CDKAL1: variants seen among roughly 807,000 people sequenced by gnomAD.
CDKAL1 encodes CDKAL1 threonylcarbamoyladenosine tRNA methylthiotransferase, also known as threonylcarbamoyladenosine tRNA methylthiotransferase.
A neutral mutation model predicts 68.2 loss-of-function variants in CDKAL1; 32 were observed. The observed-to-expected ratio is 0.47, with a 90% confidence interval of 0.35 to 0.63. The LOEUF is 0.63. Among genes scored for constraint, CDKAL1 ranks in the 30% least tolerant of loss-of-function variants. The pLI, the probability that CDKAL1 is intolerant of heterozygous loss-of-function variation, is 0.00. For missense variants in CDKAL1, 606 were observed against 696.7 expected (o/e 0.87, Z 1.47); for synonymous variants, 234 against 244.3 (o/e 0.96, Z 0.39).
chr6:20,765,772 C>T lies in CDKAL1; in HGVS notation c.517+7129C>T, dbSNP rs80116249. 6.0e-3 allele frequency among the ~76,000 whole-genome samples: 913 copies of T among 152,096 alleles called. 9 individuals are homozygous for T. The highest frequency in any genetic ancestry group is 0.021 in the African/African-American group (865 of 41,494). On this transcript the variant is annotated intron_variant, in intron 7 of 15. Transcript: ENST00000274695. Reference sequence around the variant, plus strand: ...TCTATACCTTGGTTTGGAATAATACCAGAAAGGACTTTGTAAGAGAAGCCA... The same window carrying T: ...TCTATACCTTGGTTTGGAATAATACTAGAAAGGACTTTGTAAGAGAAGCCA...
intron 13 of CDKAL1, among the ~76,000 whole-genome samples, chr6:21,145,773 A>G (rs943150866): frequency 1.6e-4 from 25 of 152,136 alleles, no homozygotes. Flanking sequence ...GGTGGCATAC[A>G]CTTGTAGTCC....
intron 10 of CDKAL1, among the ~76,000 whole-genome samples, chr6:20,963,870 A>G (rs942622687): frequency 6.6e-6 from 1 of 152,226 alleles, no homozygotes; most frequent in Non-Finnish European, 1.5e-5. Context: ...GTGTGAGAAT[A>G]TAAACAGCCA....
chr6:20,956,873 A>G (rs1764800292), intron 10 of CDKAL1, among the ~76,000 whole-genome samples: 1 of 152,102 alleles, frequency 6.6e-6, no homozygotes, highest in Non-Finnish European at 1.5e-5. Flanking sequence ...GTAAGGGTAT[A>G]TGATTTATAT....
intron 8 of CDKAL1, among the ~76,000 whole-genome samples, chr6:20,833,441 T>A (rs1777801348): frequency 1.3e-5 from 2 of 152,078 alleles, no homozygotes; most frequent in Non-Finnish European, 2.9e-5. Context: ...ATACTCAAAG[T>A]CTCATTCAAT....
intron 5 of CDKAL1, among the ~76,000 whole-genome samples, chr6:20,721,725 G>GTT (rs145893325): frequency 0.033 from 2,254 of 67,432 alleles, 222 homozygotes; most frequent in African/African-American, 0.072. Flanking sequence ...ACCAACTTCT[G>GTT]TTTTTTTTTT....
At chr6:20,835,803 G>C (rs943641836) in intron 8 of CDKAL1, among the ~76,000 whole-genome samples, 4 of 152,064 alleles carry the variant, frequency 2.6e-5, no homozygotes, top group African/African-American at 9.7e-5. Flanking sequence ...ACCTGCCTCG[G>C]CCTCGCAAAG....
Position 20,544,429 on chromosome 6 carries a change from C to T in CDKAL1, c.-5-1917C>T, listed in dbSNP as rs974246217. On this transcript the variant is annotated intron_variant, in intron 2 of 15. Coordinates refer to ENST00000274695, the MANE Select transcript of CDKAL1 (RefSeq NM_017774.3). The stretch of plus-strand genomic sequence containing the variant: ...TGGCTAACACGGTGAAACCCCGTCT[C>T]TACTAAAAATACAAAAATTAGCCGG... 6.7e-4 allele frequency among the ~76,000 whole-genome samples: 102 copies of T among 151,544 alleles called. 1 individual carries two copies. The highest frequency in any genetic ancestry group is 2.0e-4 in the Admixed American group (3 of 15,206).
intron 13 of CDKAL1, among the ~76,000 whole-genome samples, chr6:21,141,700 G>T (rs560503722): frequency 9.2e-5 from 14 of 152,330 alleles, no homozygotes; most frequent in Non-Finnish European, 1.8e-4. Flanking sequence ...GAAGTAGGAA[G>T]AAGGGGTAGA....
At chr6:20,631,314 A>T (rs2328528) in intron 4 of CDKAL1, among the ~76,000 whole-genome samples, 28,840 of 152,030 alleles carry the variant, frequency 0.19, 2,846 homozygotes, top group East Asian at 0.37. Context: ...CATCTACAAT[A>T]GCTTGTGGCA....
intron 3 of CDKAL1, among the ~76,000 whole-genome samples, chr6:20,547,654 A>C (rs1283090938): frequency 6.6e-6 from 1 of 152,146 alleles, no homozygotes; most frequent in East Asian, 1.9e-4. Flanking sequence ...GGAATTTAAA[A>C]TTTGCTTATA....
At chr6:20,815,515 T>A (rs1777006321) in intron 8 of CDKAL1, among the ~76,000 whole-genome samples, 1 of 152,058 alleles carries the variant, frequency 6.6e-6, no homozygotes. Flanking sequence ...TTTTTTTAAA[T>A]AAACTTTCTC....
In CDKAL1 at chr6:20,702,619, G is replaced by A. The variant is rs564535845; in HGVS notation, c.372-36900G>A. Among the ~76,000 whole-genome samples the A allele has an allele frequency of 1.2e-4, 18 of 151,448 alleles. 1 individual carries two copies. Among genetic ancestry groups the A allele is most frequent in the African/African-American group, 4.1e-4 (17 of 41,198 alleles). On this transcript the variant is annotated intron_variant, in intron 5 of 15. Coordinates refer to ENST00000274695, the MANE Select transcript of CDKAL1 (RefSeq NM_017774.3). ...GCCTGCTGGCCTGCTGGTGTCTGTT[G>A]TGTGCCCCTCTGGACGTCCTCTCGA...
intron 15 of CDKAL1, among the ~76,000 whole-genome samples, chr6:21,220,703 A>G (rs1779510338): frequency 6.6e-6 from 1 of 152,246 alleles, no homozygotes. Context: ...TAAGACAGCT[A>G]AAAATGAAGG....
At chr6:21,096,046 A>G (rs1773296935) in intron 12 of CDKAL1, among the ~76,000 whole-genome samples, 1 of 152,200 alleles carries the variant, frequency 6.6e-6, no homozygotes, top group Non-Finnish European at 1.5e-5. Context: ...AGATGTAGAA[A>G]GGAGAGTTAT....
chr6:21,001,879 T>G (rs565234417), intron 11 of CDKAL1, among the ~76,000 whole-genome samples: 44 of 152,372 alleles, frequency 2.9e-4, no homozygotes, highest in Admixed American at 6.5e-4. Flanking sequence ...AACTTGATAC[T>G]TGTTACACAA....
At chr6:20,758,911 A>G (rs1308019370) in intron 7 of CDKAL1, among the ~76,000 whole-genome samples, 1 of 152,136 alleles carries the variant, frequency 6.6e-6, no homozygotes, top group Non-Finnish European at 1.5e-5. Context: ...GCTGAGGCTG[A>G]GGCTGAGGCT....
chr6:20,980,114 G>T (rs1766041004), intron 10 of CDKAL1, among the ~76,000 whole-genome samples: 1 of 151,582 alleles, frequency 6.6e-6, no homozygotes, highest in East Asian at 1.9e-4. Context: ...ATTGATCATT[G>T]TATCATCCTT....
At chr6:20,587,797 C>CA (rs1390627730) in intron 4 of CDKAL1, among the ~76,000 whole-genome samples, 304 of 146,704 alleles carry the variant, frequency 2.1e-3, no homozygotes, top group African/African-American at 6.0e-3. Context: ...AACCAAAAAC[C>CA]AAAAAAAACC....
At chr6:20,909,908 C>T (rs761168389) in intron 9 of CDKAL1, among the ~76,000 whole-genome samples, 101 of 152,100 alleles carry the variant, frequency 6.6e-4, no homozygotes, top group Non-Finnish European at 7.9e-4. Flanking sequence ...AATAAGCCCA[C>T]GGGAAAACAG....
Sources: allele counts gnomAD v4.1 joint callset (sites outside exome capture counted in the v4.1 genomes callset), GRCh38; gene constraint gnomAD v4.1.1; transcripts MANE v1.5; gene names NCBI Gene and HGNC (gene_info 2026-07-23, HGNC 2026-07-21).